PAIP2B: variants seen among roughly 807,000 people sequenced by gnomAD.
PAIP2B encodes polyadenylate-binding protein-interacting protein 2B.
A neutral mutation model predicts 17.0 loss-of-function variants in PAIP2B; 13 were observed. That is an observed-to-expected ratio of 0.76 (90% CI 0.50 to 1.22). The LOEUF (loss-of-function observed/expected upper bound fraction) is 1.22, where lower values mean the gene tolerates loss of function less well. Among genes scored for constraint, PAIP2B ranks in the 50% most tolerant of loss-of-function variants. The probability of loss-of-function intolerance (pLI) is 0.00; values close to 1 mark genes in which losing one functional copy is unlikely to be tolerated. For missense variants in PAIP2B, 117 were observed against 144.5 expected (o/e 0.81, Z 0.98); for synonymous variants, 43 against 48.7 (o/e 0.88, Z 0.48).
At chr2:71,207,187 G>A (rs1263653831) in intron 1 of PAIP2B, among the ~76,000 whole-genome samples, 1 of 152,076 alleles carries the variant, frequency 6.6e-6, no homozygotes, top group Non-Finnish European at 1.5e-5. Flanking sequence ...AACAACAGGG[G>A]GCCCAATCTA....
chr2:71,202,669 C>A (rs1403684889), intron 1 of PAIP2B, 69 bp from the exon 2 acceptor site: 2 of 1,288,714 alleles, frequency 1.6e-6, no homozygotes, highest in African/African-American at 1.5e-5. Context: ...CTAAAACATG[C>A]AGATTCTGTC....
rs771087865 is a variant in PAIP2B at position 71,189,904 on chromosome 2, A to G, written c.256T>C (p.Leu86=). Residue 86 remains leucine (L), a synonymous_variant, in exon 3 of 4, where the codon TTG becomes CTG. Transcript: ENST00000244221. ...SRDLPQAMGQ[L]QQQLNGLSVS... is the part of the protein sequence containing the mutation. ...GACAGTCCATTTAACTGCTGTTGCA[A>G]CTGTCCCATGGCCTGAGGCAGGTCT... 10 of 1,582,080 alleles carry G rather than the reference A, an allele frequency of 6.3e-6. No homozygotes were observed. The Admixed American group carries it at 9.1e-5, about 14-fold the overall frequency.
At chr2:71,209,832 T>G (rs961789803) in intron 1 of PAIP2B, among the ~76,000 whole-genome samples, 2 of 152,094 alleles carry the variant, frequency 1.3e-5, no homozygotes, top group Non-Finnish European at 2.9e-5. Context: ...ATAGAACTTT[T>G]TTTTTTTTTA....
intron 2 of PAIP2B, among the ~76,000 whole-genome samples, chr2:71,200,561 A>C (rs1442397715): frequency 3.9e-5 from 6 of 152,154 alleles, no homozygotes. Flanking sequence ...AGACCAGCCT[A>C]GCCAACATGG....
At chr2:71,206,265 T>A (rs1010339003) in intron 1 of PAIP2B, among the ~76,000 whole-genome samples, 2 of 152,222 alleles carry the variant, frequency 1.3e-5, no homozygotes, top group African/African-American at 2.4e-5. Flanking sequence ...CTTTAAGAAT[T>A]AGACCTCAAC....
intron 1 of PAIP2B, among the ~76,000 whole-genome samples, chr2:71,210,060 G>A (rs557911519): frequency 5.9e-5 from 9 of 152,058 alleles, no homozygotes; most frequent in Non-Finnish European, 1.0e-4. Context: ...TCCTGACCTC[G>A]TGATCTGCCC....
chr2:71,208,549 C>T (rs967249940), intron 1 of PAIP2B, among the ~76,000 whole-genome samples: 1 of 151,982 alleles, frequency 6.6e-6, no homozygotes, highest in Non-Finnish European at 1.5e-5. Context: ...AATACCGAAC[C>T]CAGTGTTCTG....
rs1674597757 is a variant in PAIP2B at position 71,188,413 on chromosome 2, C to T, written c.*66G>A. 4.9e-6 allele frequency: 7 copies of T among 1,440,890 alleles called. No individual in the cohort carries two copies. In the Admixed American group the frequency reaches 9.6e-5, roughly 20 times the overall value. 89.3% of individuals were successfully genotyped at this position (1,440,890 alleles called of 1,614,324 possible). A position where few individuals can be genotyped will look rare whatever the true frequency, so the allele number is the denominator to read the frequency against. On this transcript the variant is annotated 3_prime_UTR_variant, in exon 4 of 4. Transcript: ENST00000244221. ...CCCGCCCCATCCCCCTCTTCAGCTC[C>T]ACCATTTTGTGCATTACTATCCCCA... is the stretch of plus-strand genomic sequence containing the variant.
intron 1 of PAIP2B, among the ~76,000 whole-genome samples, chr2:71,217,276 G>A (rs1675450761): frequency 6.6e-6 from 1 of 152,156 alleles, no homozygotes; most frequent in Non-Finnish European, 1.5e-5. Context: ...TGGGATTACA[G>A]GAGTCCACCA....
At chr2:71,200,489 C>A (rs1009925747) in intron 2 of PAIP2B, among the ~76,000 whole-genome samples, 5 of 152,160 alleles carry the variant, frequency 3.3e-5, no homozygotes, top group African/African-American at 1.2e-4. Context: ...CGGTGGCTCA[C>A]GCCTGTAATC....
intron 1 of PAIP2B, among the ~76,000 whole-genome samples, chr2:71,213,108 A>G (rs1009942791): frequency 2.6e-5 from 4 of 152,130 alleles, no homozygotes; most frequent in African/African-American, 7.2e-5. Context: ...CTTGTTTACT[A>G]TTTTAGCATT....
chr2:71,204,259 G>A (rs1045775742), intron 1 of PAIP2B, among the ~76,000 whole-genome samples: 2 of 151,896 alleles, frequency 1.3e-5, no homozygotes, highest in East Asian at 1.9e-4. Context: ...TCTCTACCCC[G>A]ACTCCCACCT....
intron 1 of PAIP2B, among the ~76,000 whole-genome samples, chr2:71,226,260 G>C (rs1342809482): frequency 6.6e-6 from 1 of 152,164 alleles, no homozygotes; most frequent in African/African-American, 2.4e-5. Flanking sequence ...TCACCTTCCA[G>C]CTGCCTGGAA....
intron 2 of PAIP2B, 38 bp from the exon 3 acceptor site, chr2:71,190,059 C>G: frequency 6.4e-7 from 1 of 1,572,654 alleles, no homozygotes; most frequent in Non-Finnish European, 8.6e-7. Flanking sequence ...CTTACTGTCA[C>G]AGCAAGACTT....
At chr2:71,203,793 T>A (rs1266156947) in intron 1 of PAIP2B, among the ~76,000 whole-genome samples, 1 of 151,594 alleles carries the variant, frequency 6.6e-6, no homozygotes, top group Non-Finnish European at 1.5e-5. Flanking sequence ...TTATATTTAA[T>A]TTTTTATGGC....
intron 1 of PAIP2B, among the ~76,000 whole-genome samples, chr2:71,226,594 A>C (rs1281969469): frequency 1.3e-5 from 2 of 152,226 alleles, no homozygotes; most frequent in East Asian, 3.9e-4. Context: ...GACTCAGGCC[A>C]AGAATTCGGT....
At chr2:71,190,085 T>C in intron 2 of PAIP2B, 64 bp from the exon 3 acceptor site, 2 of 1,459,116 alleles carry the variant, frequency 1.4e-6, no homozygotes, top group Non-Finnish European at 1.8e-6. Context: ...TTCCAGTTTT[T>C]CCTCCACCTC....
chr2:71,207,236 G>A (rs1675153833), intron 1 of PAIP2B, among the ~76,000 whole-genome samples: 1 of 152,174 alleles, frequency 6.6e-6, no homozygotes, highest in Non-Finnish European at 1.5e-5. Context: ...AGGTTTCCCT[G>A]AGCAAGAAAC....
At chr2:71,190,846 G>A (rs1159891096) in intron 2 of PAIP2B, among the ~76,000 whole-genome samples, 1 of 152,070 alleles carries the variant, frequency 6.6e-6, no homozygotes, top group Admixed American at 6.5e-5. Flanking sequence ...AACCCTCAAG[G>A]GAGAAAAATA....
Sources: gnomAD v4.1 joint callset for allele counts (sites outside exome capture counted in the v4.1 genomes callset) on GRCh38, gnomAD v4.1.1 for gene constraint, MANE v1.5 for transcripts, NCBI Gene and HGNC (gene_info 2026-07-23, HGNC 2026-07-21) for gene names.